Variants in PLCB1 observed in about 807,000 individuals in gnomAD.
PLCB1 encodes phospholipase C beta 1.
PLCB1 carries 46 observed loss-of-function variants against 161.8 expected under a neutral mutation model. The ratio of observed to expected loss-of-function variants is 0.28; its 90% CI spans 0.22 to 0.36. The LOEUF (loss-of-function observed/expected upper bound fraction) is 0.36, where lower values mean the gene tolerates loss of function less well. PLCB1 is among the 10% of genes least tolerant of loss of function. PLCB1 has a pLI of 1.00. For missense variants in PLCB1, 1,016 were observed against 1,472.5 expected, an observed-to-expected ratio of 0.69 and a Z score of 5.07; for synonymous variants, 517 against 503.7, an observed-to-expected ratio of 1.03 and a Z score of -0.35.
chr20:8,499,566 C>T (rs1369576387), intron 3 of PLCB1, among the ~76,000 whole-genome samples: 1 of 152,070 alleles, frequency 6.6e-6, no homozygotes, highest in African/African-American at 2.4e-5. Flanking sequence ...AAATTTAGAA[C>T]ATTTTGGTTG....
At chr20:8,805,001 C>CAAAAAAAAAAAAAAAAAAAAAAA (rs3033880) in intron 31 of PLCB1, among the ~76,000 whole-genome samples, 1 of 91,018 alleles carries the variant, frequency 1.1e-5, no homozygotes, top group African/African-American at 4.4e-5. Flanking sequence ...AACTCCATCT[C>CAAAAAAAAAAAAAAAAAAAAAAA]AAAAAAAAAA....
At position 8,733,459 on chromosome 20, in the gene PLCB1, A is replaced by G. The variant is rs912011061; in HGVS notation, c.2043+67A>G. ...TGAATTTATCTACATTGCATAAAGA[A>G]GTGGCTTAGTCATTAAAAATTTAGT... On this transcript the variant is annotated intron_variant, in intron 19 of 31. Transcript: ENST00000338037. The G allele has an allele frequency of 2.9e-6, 4 of 1,363,828 alleles. No individual in the cohort carries two copies. The African/African-American group carries it at 5.7e-5, about 20-fold the overall frequency. The allele number at this position is 1,363,828 out of a possible 1,614,324, so 84.5% of individuals were successfully genotyped here.
intron 3 of PLCB1, among the ~76,000 whole-genome samples, chr20:8,586,869 A>G (rs1987006919): frequency 6.6e-6 from 1 of 152,144 alleles, no homozygotes; most frequent in African/African-American, 2.4e-5. Flanking sequence ...TATTAATTCT[A>G]AAATCTGAGC....
At chr20:8,436,327 CAAAAA>C (rs11468737) in intron 3 of PLCB1, among the ~76,000 whole-genome samples, 4 of 115,382 alleles carry the variant, frequency 3.5e-5, no homozygotes, top group Non-Finnish European at 1.9e-5. Flanking sequence ...GAGACCCTGT[CAAAAA>C]AAAAAAAAAA....
intron 3 of PLCB1, among the ~76,000 whole-genome samples, chr20:8,464,914 T>C (rs1299021161): frequency 6.6e-6 from 1 of 152,176 alleles, no homozygotes; most frequent in East Asian, 1.9e-4. Flanking sequence ...ACAACATCCA[T>C]TGGTTTTTAA....
At chr20:8,678,526 G>C (rs370279126) in intron 9 of PLCB1, among the ~76,000 whole-genome samples, 1 of 152,318 alleles carries the variant, frequency 6.6e-6, no homozygotes, top group South Asian at 2.1e-4. Flanking sequence ...AGTGGTGCTG[G>C]ATGGCAGCCA....
At chr20:8,629,886 TTTCTTTTC>T (rs1167166750) in intron 4 of PLCB1, among the ~76,000 whole-genome samples, 1 of 124,714 alleles carries the variant, frequency 8.0e-6, no homozygotes, top group Non-Finnish European at 1.7e-5. Context: ...TCTCTCTCTC[TTTCTTTTC>T]TTTCTTTCTT....
chr20:8,754,498 A>AG (rs1210672087), intron 23 of PLCB1, among the ~76,000 whole-genome samples: 1 of 151,730 alleles, frequency 6.6e-6, no homozygotes, highest in Non-Finnish European at 1.5e-5. Context: ...CCTTTTTCAG[A>AG]GGGCTAATTT....
chr20:8,504,004 C>T (rs1983530439), intron 3 of PLCB1, among the ~76,000 whole-genome samples: 7 of 152,146 alleles, frequency 4.6e-5, no homozygotes, highest in Admixed American at 4.6e-4. Context: ...CTCAGTAGAA[C>T]ACTCTGACAT....
At chr20:8,604,252 CAAAAAAAAAAAAA>C (rs34186286) in intron 3 of PLCB1, among the ~76,000 whole-genome samples, 1 of 51,394 alleles carries the variant, frequency 1.9e-5, no homozygotes, top group African/African-American at 7.9e-5. Flanking sequence ...GGCCCTGTCT[CAAAAAAAAAAAAA>C]AAAAAAAAAA....
chr20:8,796,385 G>T (rs957186569), intron 31 of PLCB1, among the ~76,000 whole-genome samples: 1 of 152,172 alleles, frequency 6.6e-6, no homozygotes, highest in African/African-American at 2.4e-5. Flanking sequence ...CTGTGTTTGG[G>T]AGAGAAAAGG....
chr20:8,547,579 T>G (rs1568503024), intron 3 of PLCB1, among the ~76,000 whole-genome samples: 1 of 152,176 alleles, frequency 6.6e-6, no homozygotes, highest in Non-Finnish European at 1.5e-5. Flanking sequence ...AAATAGTACT[T>G]CTGGATTCAT....
chr20:8,245,021 T>C (rs920481057), intron 2 of PLCB1, among the ~76,000 whole-genome samples: 14 of 151,920 alleles, frequency 9.2e-5, no homozygotes, highest in African/African-American at 3.4e-4. Flanking sequence ...TTATATTTTA[T>C]ATCATATCCA....
chr20:8,141,664 T>C (rs2123015071), intron 1 of PLCB1, among the ~76,000 whole-genome samples: 1 of 151,132 alleles, frequency 6.6e-6, no homozygotes, highest in East Asian at 1.9e-4. Context: ...GTATGCTCTA[T>C]AGTCTTTAAA....
Position 8,175,998 on chromosome 20 carries a change from A to G in PLCB1, c.177+25627A>G, listed in dbSNP as rs144444317. Among the ~76,000 whole-genome samples, 228 of 152,316 alleles carry G rather than the reference A, an allele frequency of 1.5e-3. 1 individual carries two copies. Among genetic ancestry groups the G allele is most frequent in the African/African-American group, 5.3e-3 (222 of 41,590 alleles). ...GAGTTCTCACTGCACACCTATCAGAATGGCTGGAATTAAAATAGTGACATT... is the reference window on the plus strand; with the variant it reads ...GAGTTCTCACTGCACACCTATCAGAGTGGCTGGAATTAAAATAGTGACATT... On this transcript the variant is annotated intron_variant, in intron 2 of 31. Coordinates refer to ENST00000338037, the MANE Select transcript of PLCB1 (RefSeq NM_015192.4).
intron 2 of PLCB1, among the ~76,000 whole-genome samples, chr20:8,184,861 A>G (rs1165185641): frequency 6.6e-6 from 1 of 151,086 alleles, no homozygotes; most frequent in East Asian, 1.9e-4. Flanking sequence ...TTACATAGGT[A>G]TATATGTCCC....
intron 3 of PLCB1, among the ~76,000 whole-genome samples, chr20:8,602,211 C>G (rs1363933045): frequency 1.3e-5 from 2 of 151,854 alleles, no homozygotes; most frequent in Non-Finnish European, 2.9e-5. Context: ...GACACCAACA[C>G]CAAGTTTTTT....
intron 3 of PLCB1, among the ~76,000 whole-genome samples, chr20:8,376,629 TAAAAA>T (rs764765333): frequency 1.3e-4 from 20 of 152,088 alleles, no homozygotes; most frequent in Admixed American, 9.8e-4. Context: ...AACTGGGTCT[TAAAAA>T]AGAAAAGAAA....
At chr20:8,440,895 C>T (rs1295729442) in intron 3 of PLCB1, among the ~76,000 whole-genome samples, 5 of 151,354 alleles carry the variant, frequency 3.3e-5, no homozygotes, top group Non-Finnish European at 7.4e-5. Context: ...TTATATGGAT[C>T]GAAACATCAC....
Sources: gnomAD v4.1 joint callset for allele counts (sites outside exome capture counted in the v4.1 genomes callset) on GRCh38, gnomAD v4.1.1 for gene constraint, MANE v1.5 for transcripts, NCBI Gene and HGNC (gene_info 2026-07-23, HGNC 2026-07-21) for gene names.